Variants in NEURL4 observed in about 807,000 individuals in gnomAD.
The protein encoded by NEURL4 is neuralized-like protein 4.
Under a neutral mutation model 148.0 loss-of-function variants are expected in NEURL4, and 45 were observed. The observed-to-expected ratio is 0.30, with a 90% CI of 0.24 to 0.39. The LOEUF is 0.39. NEURL4 is among the 10% of genes least tolerant of loss of function. The probability of loss-of-function intolerance (pLI) is 1.00; values close to 1 mark genes in which losing one functional copy is unlikely to be tolerated. For missense variants in NEURL4, 1,776 were observed against 2,144.0 expected (o/e 0.83, Z 3.39); for synonymous variants, 854 against 869.0 (o/e 0.98, Z 0.30).
In NEURL4 at chr17:7,326,840, A is replaced by G. The variant is rs760535583; in HGVS notation, c.963T>C (p.His321=). ...GTTTGATGAGGGTCCCGCACTTTTC[A>G]TGAAAGAGCAGGGCATCGTTGGAAG... The part of the protein sequence containing the change: ...ILTSNDALLF[H]EKCGTLIKLS... Residue 321 remains histidine, a synonymous_variant, in exon 4 of 29, where the codon CAT becomes CAC. Coordinates refer to ENST00000399464, the MANE Select transcript of NEURL4 (RefSeq NM_032442.3). The surrounding 1 kb of genome is among the most constrained non-coding windows in gnomAD (Gnocchi z 6.0). 2.5e-6 allele frequency: 4 copies of G among 1,613,796 alleles called. No individual in the cohort carries two copies. The highest frequency in any genetic ancestry group is 1.1e-5 in the South Asian group (1 of 91,052).
At position 7,326,141 on chromosome 17, in the gene NEURL4, G is replaced by A; in HGVS notation, c.1293+114C>T. ...TCTAGGAAGGAACCTTTAGGTGGAA[G>A]ATACAGGGACTGCCTCTAGGTCACA... On this transcript the variant is annotated intron_variant, in intron 6 of 28. Coordinates refer to ENST00000399464, the MANE Select transcript of NEURL4 (RefSeq NM_032442.3). This position sits in a 1 kb window ranked among gnomAD's most constrained non-coding sequence, Gnocchi z 6.0. 1 of 961,810 alleles carries A rather than the reference G, an allele frequency of 1.0e-6. No individual in the cohort carries two copies. The allele number at this position is 961,810 out of a possible 1,614,324, so 59.6% of individuals were successfully genotyped here. A position where few individuals can be genotyped will look rare whatever the true frequency, so the allele number is the denominator to read the frequency against.
Position 7,321,446 on chromosome 17 carries a change from A to G in NEURL4, c.3113T>C (p.Val1038Ala), listed in dbSNP as rs375812891. 1 of 1,613,764 alleles carries G rather than the reference A, an allele frequency of 6.2e-7. No individual in the cohort carries two copies. Among genetic ancestry groups the G allele is most frequent in the African/African-American group, 1.3e-5 (1 of 74,832 alleles). Residue 1038 changes from valine (V) to alanine (A), a missense_variant, in exon 19 of 29, where the codon GTG (valine) becomes GCG (alanine). Physicochemically the swap from Val to Ala is moderately conservative, Grantham distance 64. Coordinates refer to ENST00000399464, the MANE Select transcript of NEURL4 (RefSeq NM_032442.3). This position sits in a 1 kb window ranked among gnomAD's most constrained non-coding sequence, Gnocchi z 6.3. Reference protein sequence around the residue: ...NLERLGVGSRVGVRRGADDTM... With the variant: ...NLERLGVGSRAGVRRGADDTM... Reference sequence around the variant, plus strand: ...GTCATCTGCCCCCCGACGAACACCCACACGGCTCCCCACCTAGGACCGAGG... The same window carrying G: ...GTCATCTGCCCCCCGACGAACACCCGCACGGCTCCCCACCTAGGACCGAGG...
Position 7,326,998 on chromosome 17 carries a change from T to C in NEURL4, c.805A>G (p.Met269Val), listed in dbSNP as rs749682457. Residue 269 changes from methionine to valine, a missense_variant, in exon 4 of 29, where the codon ATG becomes GTG. Physicochemically the swap from Met to Val is conservative, Grantham distance 21. Coordinates refer to ENST00000399464, the MANE Select transcript of NEURL4 (RefSeq NM_032442.3). The surrounding 1 kb of genome is among the most constrained non-coding windows in gnomAD (Gnocchi z 6.0). ...SLESHNDFAN[M>V]ELSEVVSNTI... Reference sequence around the variant, plus strand: ...TTGCTCACCACCTCAGACAGCTCCATGTTGGCAAAGTCTATAGCAGCAGGA... The same window carrying C: ...TTGCTCACCACCTCAGACAGCTCCACGTTGGCAAAGTCTATAGCAGCAGGA... 3 of 1,611,148 alleles carry C rather than the reference T, an allele frequency of 1.9e-6. No individual in the cohort carries two copies. The highest frequency in any genetic ancestry group is 2.2e-5 in the East Asian group (1 of 44,862).
rs542534157 is a variant in NEURL4 at position 7,322,091 on chromosome 17, G to A, written c.2726-81C>T. On this transcript the variant is annotated intron_variant, in intron 16 of 28. Coordinates refer to ENST00000399464, the MANE Select transcript of NEURL4 (RefSeq NM_032442.3). This position sits in a 1 kb window ranked among gnomAD's most constrained non-coding sequence, Gnocchi z 5.5. Reference sequence around the variant, plus strand: ...AGAACACAGAGCAAAGCTTTCAGATGAAACGAAATGGGGATGCCAACGCCC... The same window carrying A: ...AGAACACAGAGCAAAGCTTTCAGATAAAACGAAATGGGGATGCCAACGCCC... 8 of 1,483,780 alleles carry A rather than the reference G, an allele frequency of 5.4e-6. No individual in the cohort carries two copies. The South Asian group carries it at 1.1e-4, about 20-fold the overall frequency. The allele number at this position is 1,483,780 out of a possible 1,614,324, so 91.9% of individuals were successfully genotyped here. A position where few individuals can be genotyped will look rare whatever the true frequency, so the allele number is the denominator to read the frequency against.
chr17:7,327,366 C>G lies in NEURL4; in HGVS notation c.727+74G>C. 2.1e-6 allele frequency: 3 copies of G among 1,459,388 alleles called. No homozygotes were observed. In the South Asian group the frequency reaches 4.0e-5, roughly 19 times the overall value. The allele number at this position is 1,459,388 out of a possible 1,614,324, so 90.4% of individuals were successfully genotyped here. On this transcript the variant is annotated intron_variant, in intron 2 of 28. Coordinates refer to ENST00000399464, the MANE Select transcript of NEURL4 (RefSeq NM_032442.3). This position sits in a 1 kb window ranked among gnomAD's most constrained non-coding sequence, Gnocchi z 6.6. ...GGGGATCAGGGTGGCCCTGCCCACA[C>G]CCAGCCTGTCTTGTCACTCTATTTC...
At chr17:7,319,374 CTTTTTTTTTTTT>C (rs374281551) in intron 21 of NEURL4, among the ~76,000 whole-genome samples, 166 bp from the exon 22 acceptor site, 56 of 113,930 alleles carry the variant, frequency 4.9e-4, no homozygotes, top group African/African-American at 1.6e-3. Flanking sequence ...TTCTTTCCCT[CTTTTTTTTTTTT>C]TTTTTTTTTT....
chr17:7,323,068 G>A lies in NEURL4; in HGVS notation c.2473C>T (p.Leu825=). Residue 825 remains leucine (L), a synonymous_variant, in exon 15 of 29, where the codon CTG becomes TTG. Transcript: ENST00000399464. ...CGTGCACCTGTGCCCAGCGCATCCA[G>A]GTCACACCCATAATTGTTGCGCATC... ...NTMRNNYGCD[L]DALGTGARIG... is the part of the protein sequence containing the mutation. 1 of 1,613,820 alleles carries A rather than the reference G, an allele frequency of 6.2e-7. No individual in the cohort carries two copies. The highest frequency in any genetic ancestry group is 8.5e-7 in the Non-Finnish European group (1 of 1,179,984).
chr17:7,324,051 C>G lies in NEURL4; in HGVS notation c.2063-39G>C. ...CATCACCCATCAGGTCTCTAGGTGT[C>G]TCTCAGACCTCCCAAGGCCACCCTA... On this transcript the variant is annotated intron_variant, in intron 11 of 28. Coordinates refer to ENST00000399464, the MANE Select transcript of NEURL4 (RefSeq NM_032442.3). The surrounding 1 kb of genome is among the most constrained non-coding windows in gnomAD (Gnocchi z 5.9). 1 of 1,608,858 alleles carries G rather than the reference C, an allele frequency of 6.2e-7. No homozygotes were observed. Among genetic ancestry groups the G allele is most frequent in the Non-Finnish European group, 8.5e-7 (1 of 1,179,766 alleles).
rs1414017722 is a variant in NEURL4 at position 7,327,726 on chromosome 17, A to G, written c.441T>C (p.Gly147=). 1 of 1,614,062 alleles carries G rather than the reference A, an allele frequency of 6.2e-7. No individual in the cohort carries two copies. The highest frequency in any genetic ancestry group is 1.1e-5 in the South Asian group (1 of 91,090). Reference sequence around the variant, plus strand: ...CTTCACCAAGCTGGTCCAGGTCCTGACCATACTCCTCCAACACAGAGCGTC... The same window carrying G: ...CTTCACCAAGCTGGTCCAGGTCCTGGCCATACTCCTCCAACACAGAGCGTC... ...RDGRSVLEEY[G]QDLDQLGEGD... is the part of the protein sequence containing the mutation. The change falls in exon 2 of 29, where the codon GGT becomes GGC. Residue 147 remains glycine (G), a synonymous_variant. Transcript: ENST00000399464. This position sits in a 1 kb window ranked among gnomAD's most constrained non-coding sequence, Gnocchi z 6.6.
chr17:7,323,846 G>T lies in NEURL4; in HGVS notation c.2229C>A (p.Ser743Arg). The change falls in exon 12 of 29, where the codon AGC (serine) becomes AGA (arginine). Residue 743 changes from serine to arginine, a missense_variant. Transcript: ENST00000399464. ...AGATGACGATGGCGTCATTAAACTC[G>T]CTGCGACAGTTGTGGCGGAGGGCGG... ...GRTALRHNCR[S>R]EFNDAIVISN... 1.9e-6 allele frequency: 3 copies of T among 1,614,118 alleles called. No homozygotes were observed. Among genetic ancestry groups the T allele is most frequent in the Non-Finnish European group, 2.5e-6 (3 of 1,180,046 alleles).
At position 7,317,898 on chromosome 17, in the gene NEURL4, C is replaced by T. The variant is rs1426087825; in HGVS notation, c.4095G>A (p.Leu1365=). The T allele has an allele frequency of 3.1e-6, 5 of 1,614,216 alleles. No homozygotes were observed. The highest frequency in any genetic ancestry group is 4.2e-6 in the Non-Finnish European group (5 of 1,180,042). The change falls in exon 26 of 29, where the codon CTG becomes CTA. Residue 1365 remains leucine, a synonymous_variant. Transcript: ENST00000399464. ...DYFMPPPKRS[L]CYCESCRKLR... Reference sequence around the variant, plus strand: ...GCTTCCGGCAAGACTCACAGTAGCACAGGCTTCGCTTTGGCGGAGGCATGA... The same window carrying T: ...GCTTCCGGCAAGACTCACAGTAGCATAGGCTTCGCTTTGGCGGAGGCATGA...
chr17:7,319,402 T>TA (rs2072997520), intron 21 of NEURL4, among the ~76,000 whole-genome samples, 194 bp from the exon 22 acceptor site: 13 of 83,576 alleles, frequency 1.6e-4, no homozygotes, highest in African/African-American at 5.1e-4. Context: ...TTTTTTTTTT[T>TA]TAAAAAAAAG....
rs1473447095 is a variant in NEURL4 at position 7,329,296 on chromosome 17, C to T, written c.17G>A (p.Gly6Asp). 2.1e-6 allele frequency: 3 copies of T among 1,411,870 alleles called. No individual in the cohort carries two copies. The African/African-American group carries it at 4.5e-5, about 21-fold the overall frequency. The allele number at this position is 1,411,870 out of a possible 1,614,324, so 87.5% of individuals were successfully genotyped here. ...GCCTCCCCCAGAGCCCCCACTCCCA[C>T]CCGACCCTGCCGCCATCTCCGCTGA... MAAGS[G>D]GSGGSGGGPG... The change falls in exon 1 of 29, where the codon GGT becomes GAT. Residue 6 changes from glycine (G) to aspartate (D), a missense_variant. By Grantham distance (94) the Gly-to-Asp change is moderately conservative (BLOSUM62 -1). Transcript: ENST00000399464.
chr17:7,319,344 G>C, intron 21 of NEURL4, 136 bp from the exon 22 acceptor site: 3 of 389,466 alleles, frequency 7.7e-6, no homozygotes, highest in East Asian at 4.8e-5. Context: ...GGAAGGACCA[G>C]AAAACGCTAA....
Position 7,324,574 on chromosome 17 carries a change from C to A in NEURL4, c.1814-94G>T. On this transcript the variant is annotated intron_variant, in intron 9 of 28. Coordinates refer to ENST00000399464, the MANE Select transcript of NEURL4 (RefSeq NM_032442.3). This position sits in a 1 kb window ranked among gnomAD's most constrained non-coding sequence, Gnocchi z 5.9. ...CCCACAGGACTCCCGAGCCCACAGTCCACCTTGCCTTTTCTTTGATGACTA... is the reference window on the plus strand; with the variant it reads ...CCCACAGGACTCCCGAGCCCACAGTACACCTTGCCTTTTCTTTGATGACTA... The A allele has an allele frequency of 8.1e-7, 1 of 1,237,422 alleles. No individual in the cohort carries two copies. Among genetic ancestry groups the A allele is most frequent in the Non-Finnish European group, 1.2e-6 (1 of 853,856 alleles). 76.7% of individuals were successfully genotyped at this position (1,237,422 alleles called of 1,614,324 possible). A position where few individuals can be genotyped will look rare whatever the true frequency, so the allele number is the denominator to read the frequency against.
chr17:7,316,238 G>A lies in NEURL4; in HGVS notation c.4574C>T (p.Pro1525Leu). ...VRPGSYTPGP[P>L]SAALGEPPDP... ...AGGAGGTTCTCCAAGGGCAGCGGAA[G>A]GGGGTCCCGGGGTGTAGGAGCCAGG... The change falls in exon 29 of 29, where the codon CCT becomes CTT. Residue 1525 changes from proline (P) to leucine (L), a missense_variant. Physicochemically the swap from Pro to Leu is moderately conservative, Grantham distance 98. Transcript: ENST00000399464. The A allele has an allele frequency of 6.2e-7, 1 of 1,613,922 alleles. No homozygotes were observed. Among genetic ancestry groups the A allele is most frequent in the Non-Finnish European group, 8.5e-7 (1 of 1,179,916 alleles).
Position 7,326,885 on chromosome 17 carries a change from A to G in NEURL4, c.918T>C (p.Ala306=), listed in dbSNP as rs773994344. The G allele has an allele frequency of 6.2e-7, 1 of 1,614,048 alleles. No individual in the cohort carries two copies. The highest frequency in any genetic ancestry group is 1.1e-5 in the South Asian group (1 of 91,082). Residue 306 remains alanine (A), a synonymous_variant, in exon 4 of 29, where the codon GCT becomes GCC. Coordinates refer to ENST00000399464, the MANE Select transcript of NEURL4 (RefSeq NM_032442.3). The surrounding 1 kb of genome is among the most constrained non-coding windows in gnomAD (Gnocchi z 6.0). ...TGGAAGTGAGAATGGGCGAGGTGGC[A>G]GCACCGCTAGATCCCAGGCCTTCCC... is the stretch of plus-strand genomic sequence containing the variant. ...PAGEGLGSSG[A]ATSPILTSND... is the part of the protein sequence containing the mutation.
chr17:7,322,038 G>A lies in NEURL4; in HGVS notation c.2726-28C>T, dbSNP rs2143012466. The stretch of plus-strand genomic sequence containing the variant: ...GTGAAGAGATGGCACCAGTAGAAGG[G>A]GTAGGATTGGGGCAGCGAGCTTCAG... On this transcript the variant is annotated intron_variant, in intron 16 of 28. Coordinates refer to ENST00000399464, the MANE Select transcript of NEURL4 (RefSeq NM_032442.3). This position sits in a 1 kb window ranked among gnomAD's most constrained non-coding sequence, Gnocchi z 5.5. The A allele has an allele frequency of 6.3e-7, 1 of 1,574,820 alleles. No homozygotes were observed. The highest frequency in any genetic ancestry group is 2.2e-5 in the East Asian group (1 of 44,546).
At position 7,326,552 on chromosome 17, in the gene NEURL4, G is replaced by T; in HGVS notation, c.1093-4C>A. ...CAACAAGCTTGTCGATACGGATCTG[G>T]CATTGAGGGACAGAAGGGAGAAGCA... On this transcript the variant is annotated splice_polypyrimidine_tract_variant and splice_region_variant and intron_variant, in intron 4 of 28. Transcript: ENST00000399464. This position sits in a 1 kb window ranked among gnomAD's most constrained non-coding sequence, Gnocchi z 6.0. The T allele has an allele frequency of 6.2e-7, 1 of 1,613,542 alleles. No homozygotes were observed. Among genetic ancestry groups the T allele is most frequent in the Non-Finnish European group, 8.5e-7 (1 of 1,179,496 alleles).
Sources: gnomAD v4.1 joint callset for allele counts (sites outside exome capture counted in the v4.1 genomes callset) on GRCh38, gnomAD v4.1.1 for gene constraint, Gnocchi (gnomAD v3.1) non-coding constraint, MANE v1.5 for transcripts, NCBI Gene and HGNC (gene_info 2026-07-23, HGNC 2026-07-21) for gene names.